Variants in MAGI3 observed in about 807,000 individuals in gnomAD.
MAGI3 encodes the protein membrane associated guanylate kinase, WW and PDZ domain containing 3, also known as membrane-associated guanylate kinase, WW and PDZ domain-containing protein 3.
In MAGI3, 43 loss-of-function variants were observed where a neutral mutation model predicts 121.8. The observed-to-expected ratio is 0.35, with a 90% confidence interval of 0.28 to 0.46. The LOEUF (loss-of-function observed/expected upper bound fraction) is 0.46, where lower values mean the gene tolerates loss of function less well. Among genes scored for constraint, MAGI3 ranks in the 20% least tolerant of loss-of-function variants. The pLI is 1.00. For missense variants in MAGI3, 1,547 were observed against 1,797.3 expected (o/e 0.86, Z 2.52); for synonymous variants, 553 against 639.3 (o/e 0.86, Z 2.04).
intron 1 of MAGI3, among the ~76,000 whole-genome samples, chr1:113,522,445 G>T (rs1450730405): frequency 1.3e-5 from 2 of 152,084 alleles, no homozygotes; most frequent in Non-Finnish European, 2.9e-5. Context: ...GCTTATCTTT[G>T]TCTTCTGTCC....
intron 1 of MAGI3, among the ~76,000 whole-genome samples, chr1:113,475,106 G>A (rs1655747021): frequency 6.6e-6 from 1 of 152,198 alleles, no homozygotes; most frequent in East Asian, 1.9e-4. Context: ...AGACTTTGCT[G>A]AAGTTGCTTA....
At chr1:113,454,670 G>A (rs184013346) in intron 1 of MAGI3, among the ~76,000 whole-genome samples, 226 of 151,706 alleles carry the variant, frequency 1.5e-3, no homozygotes, top group African/African-American at 5.2e-3. Context: ...GACAGGCCCC[G>A]GTGTATGATG....
intron 1 of MAGI3, among the ~76,000 whole-genome samples, chr1:113,466,917 TG>T (rs1033235962): frequency 3.3e-5 from 5 of 152,076 alleles, no homozygotes; most frequent in African/African-American, 7.2e-5. Flanking sequence ...TCTTCTGTAT[TG>T]TTTTTTAAGT....
intron 1 of MAGI3, among the ~76,000 whole-genome samples, chr1:113,421,954 C>T (rs1347916375): frequency 6.6e-6 from 1 of 151,744 alleles, no homozygotes; most frequent in African/African-American, 2.4e-5. Flanking sequence ...GGACTGAGTG[C>T]TTTCTTAGAA....
intron 1 of MAGI3, among the ~76,000 whole-genome samples, chr1:113,547,313 G>A (rs1036112793): frequency 2.0e-5 from 3 of 151,488 alleles, no homozygotes; most frequent in Admixed American, 6.6e-5. Flanking sequence ...AAAGGAAATC[G>A]TGAGTTAATA....
intron 1 of MAGI3, among the ~76,000 whole-genome samples, chr1:113,478,586 G>A (rs1460555470): frequency 6.6e-6 from 1 of 152,188 alleles, no homozygotes; most frequent in African/African-American, 2.4e-5. Context: ...TTGCACAACA[G>A]CCAATATTGC....
chr1:113,669,443 G>T (rs973924954), intron 16 of MAGI3, among the ~76,000 whole-genome samples: 5 of 152,214 alleles, frequency 3.3e-5, no homozygotes, highest in African/African-American at 1.2e-4. Flanking sequence ...CACAGAGGAG[G>T]TGACAATTTG....
intron 14 of MAGI3, among the ~76,000 whole-genome samples, chr1:113,653,537 A>G (rs1253799915): frequency 6.6e-6 from 1 of 151,788 alleles, no homozygotes; most frequent in Non-Finnish European, 1.5e-5. Flanking sequence ...GCGCCACTGC[A>G]CTCCAGCCTA....
intron 2 of MAGI3, among the ~76,000 whole-genome samples, chr1:113,558,709 A>G (rs1660096342): frequency 6.6e-6 from 1 of 152,318 alleles, no homozygotes; most frequent in African/African-American, 2.4e-5. Flanking sequence ...CAGGAAATGC[A>G]GAGAACCCCA....
chr1:113,537,232 C>A (rs1193031662), intron 1 of MAGI3, among the ~76,000 whole-genome samples: 1 of 152,112 alleles, frequency 6.6e-6, no homozygotes, highest in Non-Finnish European at 1.5e-5. Flanking sequence ...ATCTCCGTTT[C>A]TCTATGAATT....
At chr1:113,479,407 G>A (rs1318387159) in intron 1 of MAGI3, among the ~76,000 whole-genome samples, 1 of 152,074 alleles carries the variant, frequency 6.6e-6, no homozygotes, top group African/African-American at 2.4e-5. Flanking sequence ...TCTTCTTCCT[G>A]TACTTTAAAT....
intron 9 of MAGI3, among the ~76,000 whole-genome samples, chr1:113,631,935 CG>C (rs35631981): frequency 2.6e-5 from 4 of 152,024 alleles, no homozygotes; most frequent in East Asian, 1.9e-4. Flanking sequence ...TTTCTGATTG[CG>C]GGGGGAAGTT....
intron 2 of MAGI3, among the ~76,000 whole-genome samples, chr1:113,564,738 A>T (rs1258807747): frequency 1.3e-5 from 2 of 152,180 alleles, no homozygotes; most frequent in Non-Finnish European, 2.9e-5. Flanking sequence ...ATTAACACAA[A>T]ATAAATACCA....
At chr1:113,492,218 G>C (rs1397978300) in intron 1 of MAGI3, among the ~76,000 whole-genome samples, 1 of 152,106 alleles carries the variant, frequency 6.6e-6, no homozygotes, top group African/African-American at 2.4e-5. Flanking sequence ...TGTAACATAT[G>C]CAAATCAATA....
chr1:113,551,106 A>C (rs1239594341), intron 2 of MAGI3, among the ~76,000 whole-genome samples: 1 of 152,076 alleles, frequency 6.6e-6, no homozygotes, highest in Non-Finnish European at 1.5e-5. Flanking sequence ...CAAAATCTTT[A>C]CTCTAGCATC....
At position 113,390,530 on chromosome 1, in the gene MAGI3, T is replaced by G. The variant is rs916909405; in HGVS notation, c.-504T>G. 2.6e-5 allele frequency among the ~76,000 whole-genome samples: 4 copies of G among 152,062 alleles called. No homozygotes were observed. Among genetic ancestry groups the G allele is most frequent in the Non-Finnish European group, 5.9e-5 (4 of 67,952 alleles). ...TGAAAGCGGCAGTTTCCTGGCAGCT[T>G]GGGCAGGCGTTGGTCTCCGCGCTAC... On this transcript the variant is annotated 5_prime_UTR_variant, in exon 1 of 21. Coordinates refer to ENST00000307546, the MANE Select transcript of MAGI3 (RefSeq NM_001142782.2).
intron 1 of MAGI3, among the ~76,000 whole-genome samples, chr1:113,405,547 A>T (rs1014676834): frequency 3.3e-5 from 5 of 151,102 alleles, no homozygotes; most frequent in Non-Finnish European, 7.4e-5. Flanking sequence ...ATACATTTTT[A>T]AAAATTCAGT....
chr1:113,447,455 G>A (rs1037564833), intron 1 of MAGI3, among the ~76,000 whole-genome samples: 8 of 152,144 alleles, frequency 5.3e-5, no homozygotes, highest in African/African-American at 1.9e-4. Context: ...CCTCTTAAAG[G>A]TATCACCTCT....
chr1:113,540,747 C>T (rs1467473468), intron 1 of MAGI3, among the ~76,000 whole-genome samples: 2 of 152,106 alleles, frequency 1.3e-5, no homozygotes, highest in Non-Finnish European at 2.9e-5. Flanking sequence ...ATGTGTCTGA[C>T]AGTTTTTTAG....
Sources: allele counts gnomAD v4.1 joint callset (sites outside exome capture counted in the v4.1 genomes callset), GRCh38; gene constraint gnomAD v4.1.1; transcripts MANE v1.5; gene names NCBI Gene and HGNC (gene_info 2026-07-23, HGNC 2026-07-21).